NXN: variants seen among roughly 807,000 people sequenced by gnomAD.
NXN encodes nucleoredoxin.
Under a neutral mutation model 48.6 loss-of-function variants are expected in NXN, and 16 were observed. The ratio of observed to expected loss-of-function variants is 0.33; its 90% CI spans 0.22 to 0.50. The LOEUF (loss-of-function observed/expected upper bound fraction) is 0.50, where lower values mean the gene tolerates loss of function less well. Ranked by LOEUF, NXN falls within the 20% of genes least tolerant of loss-of-function variation. The probability of loss-of-function intolerance (pLI) is 0.98; values close to 1 mark genes in which losing one functional copy is unlikely to be tolerated. For missense variants in NXN, 492 were observed against 605.5 expected, an observed-to-expected ratio of 0.81 and a Z score of 1.97; for synonymous variants, 281 against 269.6, an observed-to-expected ratio of 1.04 and a Z score of -0.41.
intron 1 of NXN, among the ~76,000 whole-genome samples, chr17:827,497 C>T (rs1051574853): frequency 6.6e-6 from 1 of 152,286 alleles, no homozygotes. Flanking sequence ...GTGGCGGGCG[C>T]CTGTAGTCCC....
chr17:816,524 G>A (rs1366135764), intron 5 of NXN, among the ~76,000 whole-genome samples: 1 of 151,924 alleles, frequency 6.6e-6, no homozygotes, highest in African/African-American at 2.4e-5. Flanking sequence ...CAGATCCCCT[G>A]GGGCATCCTT....
chr17:894,816 T>C (rs1232626707), intron 1 of NXN, among the ~76,000 whole-genome samples: 1 of 152,060 alleles, frequency 6.6e-6, no homozygotes, highest in African/African-American at 2.4e-5. Context: ...AAATACCCCC[T>C]TCCATCTGAA....
At chr17:804,683 C>T (rs1911389043) in intron 6 of NXN, among the ~76,000 whole-genome samples, 1 of 152,238 alleles carries the variant, frequency 6.6e-6, no homozygotes, top group Non-Finnish European at 1.5e-5. Flanking sequence ...TGGAGCAGCT[C>T]TTCAGAGCAC....
rs995621852 is a variant in NXN, at chr17:917,654, A to G, written c.360+61665T>C. 6.6e-6 allele frequency among the ~76,000 whole-genome samples: 1 copy of G among 152,112 alleles called. No individual in the cohort carries two copies. Among genetic ancestry groups the G allele is most frequent in the Non-Finnish European group, 1.5e-5 (1 of 68,002 alleles). ...GGCTCAGACGCACGTCACCATCTCA[A>G]CCCAATGTAGGCCACCCGCTGCAGG... On this transcript the variant is annotated intron_variant, in intron 1 of 7. Coordinates refer to ENST00000336868, the MANE Select transcript of NXN (RefSeq NM_022463.5). This position sits in a 1 kb window ranked among gnomAD's most constrained non-coding sequence, Gnocchi z 4.5.
chr17:840,370 C>T lies in NXN; in HGVS notation c.361-14292G>A, dbSNP rs561033555. 4.1e-4 allele frequency among the ~76,000 whole-genome samples: 62 copies of T among 152,004 alleles called. 1 individual carries two copies. The highest frequency in any genetic ancestry group is 4.7e-4 in the Non-Finnish European group (32 of 67,966). ...TTTTTTTTTTCTTGAGACGGAGTCT[C>T]GCTCTGCCGCCCAGGCTGGGGTGAA... On this transcript the variant is annotated intron_variant, in intron 1 of 7. Coordinates refer to ENST00000336868, the MANE Select transcript of NXN (RefSeq NM_022463.5).
At chr17:966,681 T>C (rs2069308559) in intron 1 of NXN, among the ~76,000 whole-genome samples, 1 of 151,554 alleles carries the variant, frequency 6.6e-6, no homozygotes. Context: ...CCCAAGACAA[T>C]TCTTCTTCCA....
At chr17:856,254 G>A (rs1044033707) in intron 1 of NXN, among the ~76,000 whole-genome samples, 5 of 151,948 alleles carry the variant, frequency 3.3e-5, no homozygotes, top group Admixed American at 6.6e-5. Context: ...CATCATGGCC[G>A]AGGACAGAAA....
chr17:854,634 G>A (rs145908343), intron 1 of NXN, among the ~76,000 whole-genome samples: 4,828 of 120,396 alleles, frequency 0.04, 214 homozygotes, highest in East Asian at 0.27. Context: ...CAGCCTGGGC[G>A]ACAGAGCGAG....
At chr17:871,004 G>A (rs759443647) in intron 1 of NXN, among the ~76,000 whole-genome samples, 35 of 151,284 alleles carry the variant, frequency 2.3e-4, no homozygotes, top group African/African-American at 4.6e-4. Flanking sequence ...GACTACAGGC[G>A]CCCGCCATCA....
chr17:910,736 C>T (rs1463911839), intron 1 of NXN: 2 of 152,174 alleles, frequency 1.3e-5, no homozygotes, highest in African/African-American at 4.8e-5. Flanking sequence ...CAACCCAGTC[C>T]CATCTGTCCT....
chr17:902,421 C>T (rs917218163), intron 1 of NXN, among the ~76,000 whole-genome samples: 42 of 152,202 alleles, frequency 2.8e-4, no homozygotes, highest in African/African-American at 9.6e-4. Context: ...ACATCTACAT[C>T]GAGGCAGAAA....
rs1036146264 is a variant in NXN, at chr17:956,658, G to A, written c.360+22661C>T. Among the ~76,000 whole-genome samples the A allele has an allele frequency of 2.0e-5, 3 of 152,170 alleles. No homozygotes were observed. Among genetic ancestry groups the A allele is most frequent in the East Asian group, 1.9e-4 (1 of 5,172 alleles). On this transcript the variant is annotated intron_variant, in intron 1 of 7. Transcript: ENST00000336868. This position sits in a 1 kb window ranked among gnomAD's most constrained non-coding sequence, Gnocchi z 4.1. ...TCGATCTCCAGACCTCAGGTGATCC[G>A]TCCACCTCAGCCTCCCAAAGTGCTG...
At chr17:861,349 G>A (rs1195921866) in intron 1 of NXN, among the ~76,000 whole-genome samples, 1 of 152,128 alleles carries the variant, frequency 6.6e-6, no homozygotes, top group Admixed American at 6.6e-5. Context: ...GGCCAGGCTG[G>A]TCTTGAACTC....
intron 1 of NXN, among the ~76,000 whole-genome samples, chr17:863,295 G>A (rs764246518): frequency 8.5e-5 from 13 of 152,124 alleles, no homozygotes; most frequent in South Asian, 2.1e-4. Flanking sequence ...AGCCTCCTGA[G>A]TAGCTGGAAC....
chr17:906,643 T>C lies in NXN; in HGVS notation c.360+72676A>G, dbSNP rs556122818. On this transcript the variant is annotated intron_variant, in intron 1 of 7. Transcript: ENST00000336868. ...GTGCAGCACTGCAATCTCGGCTCCC[T>C]GCAACCTCCACCTCCCGGGTTCAAG... is the stretch of plus-strand genomic sequence containing the variant. 7.9e-4 allele frequency among the ~76,000 whole-genome samples: 120 copies of C among 151,576 alleles called. 1 individual carries two copies. The highest frequency in any genetic ancestry group is 1.7e-3 in the Non-Finnish European group (113 of 67,910).
intron 1 of NXN, among the ~76,000 whole-genome samples, chr17:882,235 C>T (rs1339163546): frequency 6.6e-6 from 1 of 152,108 alleles, no homozygotes; most frequent in Admixed American, 6.5e-5. Flanking sequence ...CCACAAGTGA[C>T]CACCTCCCCT....
chr17:927,580 CAAAAAAAAAA>C (rs71371593), intron 1 of NXN, among the ~76,000 whole-genome samples: 2 of 117,626 alleles, frequency 1.7e-5, no homozygotes, highest in Non-Finnish European at 3.3e-5. Flanking sequence ...AACCTTGTCT[CAAAAAAAAAA>C]AAAAAAAAAG....
intron 1 of NXN, among the ~76,000 whole-genome samples, chr17:887,928 C>T (rs912942496): frequency 1.3e-5 from 2 of 152,114 alleles, no homozygotes; most frequent in African/African-American, 4.8e-5. Context: ...ACCCACTAGC[C>T]GTGAGGTTCA....
rs1390245241 is a variant in NXN at position 903,389 on chromosome 17, C to CT, written c.360+75929dup. Among the ~76,000 whole-genome samples the CT allele has an allele frequency of 9.7e-4, 137 of 140,988 alleles. 2 individuals carry two copies. The highest frequency in any genetic ancestry group is 4.8e-3 in the East Asian group (23 of 4,782). 92.5% of individuals were successfully genotyped at this position (140,988 alleles called of 152,430 possible). A position where few individuals can be genotyped will look rare whatever the true frequency, so the allele number is the denominator to read the frequency against. On this transcript the variant is annotated intron_variant, in intron 1 of 7. Coordinates refer to ENST00000336868, the MANE Select transcript of NXN (RefSeq NM_022463.5). ...CCCAGTCTCTGTTTTTTGATCTATG[C>CT]TTTTTTTTTTGAGACAGGGTCTCGC... is the stretch of plus-strand genomic sequence containing the variant.
Sources: gnomAD v4.1 joint callset for allele counts (sites outside exome capture counted in the v4.1 genomes callset) on GRCh38, gnomAD v4.1.1 for gene constraint, Gnocchi (gnomAD v3.1) non-coding constraint, MANE v1.5 for transcripts, NCBI Gene and HGNC (gene_info 2026-07-23, HGNC 2026-07-21) for gene names.